Variants in ATIC observed in about 807,000 individuals in gnomAD.
ATIC encodes the protein bifunctional purine biosynthesis protein ATIC.
In ATIC, 64 loss-of-function variants were observed where a neutral mutation model predicts 72.5. The ratio of observed to expected loss-of-function variants is 0.88; its 90% CI spans 0.72 to 1.09. ATIC has a LOEUF of 1.09. Ranked by LOEUF, ATIC falls within the 50% of genes least tolerant of loss-of-function variation. The pLI, the probability that ATIC is intolerant of heterozygous loss-of-function variation, is 0.00. For missense variants in ATIC, 787 were observed against 732.4 expected, an observed-to-expected ratio of 1.07 and a Z score of -0.86; for synonymous variants, 281 against 267.1, an observed-to-expected ratio of 1.05 and a Z score of -0.51.
chr2:215,324,676 G>T (rs546557060), intron 4 of ATIC, among the ~76,000 whole-genome samples: 2 of 152,208 alleles, frequency 1.3e-5, no homozygotes, highest in South Asian at 4.1e-4. Context: ...GTACTTCACT[G>T]ATTGTTAATT....
chr2:215,360,124 G>A, the ATIC span, among the ~76,000 whole-genome samples: 1 of 152,150 alleles, frequency 6.6e-6, no homozygotes, highest in South Asian at 2.1e-4. Flanking sequence ...TTTTAATAGA[G>A]ACAAGGTTTC....
intron 7 of ATIC, among the ~76,000 whole-genome samples, chr2:215,327,839 T>C (rs1463324201): frequency 3.3e-5 from 5 of 150,806 alleles, no homozygotes; most frequent in Non-Finnish European, 5.9e-5. Flanking sequence ...GGGAGGAGAA[T>C]CTGAAAGTTT....
At chr2:215,332,617 T>C (rs1389200868) in intron 8 of ATIC, 110 bp downstream of exon 8, 2 of 1,381,572 alleles carry the variant, frequency 1.4e-6, no homozygotes, top group African/African-American at 2.9e-5. Context: ...CTATGAAATC[T>C]GAAAGTCATC....
intron 14 of ATIC, 29 bp from the exon 15 acceptor site, chr2:215,349,065 A>C: frequency 6.2e-7 from 1 of 1,613,874 alleles, no homozygotes; most frequent in East Asian, 2.2e-5. Flanking sequence ...TGTCAGACCA[A>C]GCTTCTTCCT....
intron 13 of ATIC, 135 bp downstream of exon 13, chr2:215,345,006 T>C: frequency 1.1e-6 from 1 of 921,158 alleles, no homozygotes. Flanking sequence ...TTTGTCAGTG[T>C]TTCCTCAGTA....
At chr2:215,349,325 T>C in intron 15 of ATIC, 76 bp downstream of exon 15, 1 of 1,604,408 alleles carries the variant, frequency 6.2e-7, no homozygotes, top group Non-Finnish European at 8.5e-7. Flanking sequence ...TGCTTTTGAT[T>C]TTTAAAAGGT....
intron 14 of ATIC, chr2:215,348,691 G>T (rs560702336): frequency 4.7e-6 from 2 of 421,142 alleles, no homozygotes; most frequent in Admixed American, 5.6e-5. Flanking sequence ...GGCCGGGCGC[G>T]GTGGCTCATG....
intron 10 of ATIC, 40 bp from the exon 11 acceptor site, chr2:215,335,995 G>A (rs1222871098): frequency 6.7e-7 from 1 of 1,497,732 alleles, no homozygotes; most frequent in Admixed American, 1.7e-5. Context: ...GGTGTTCTCT[G>A]ATTTTTAAAA....
intron 4 of ATIC, among the ~76,000 whole-genome samples, chr2:215,323,045 C>T (rs936041627): frequency 6.6e-6 from 1 of 151,946 alleles, no homozygotes; most frequent in Non-Finnish European, 1.5e-5. Context: ...CCCGGGTTCA[C>T]GCCCTTCTCC....
intron 6 of ATIC, among the ~76,000 whole-genome samples, chr2:215,326,412 C>G (rs2052826620): frequency 6.6e-6 from 1 of 152,012 alleles, no homozygotes; most frequent in African/African-American, 2.4e-5. Flanking sequence ...TGAGACCAGC[C>G]TGGCCAATGT....
At chr2:215,334,719 G>A (rs1480589498) in intron 9 of ATIC, among the ~76,000 whole-genome samples, 200 bp from the exon 10 acceptor site, 2 of 152,262 alleles carry the variant, frequency 1.3e-5, no homozygotes. Flanking sequence ...AGTTTTCTGA[G>A]TGTCACTCTA....
chr2:215,334,189 CTT>C (rs551274501), intron 9 of ATIC, among the ~76,000 whole-genome samples: 2 of 100,976 alleles, frequency 2.0e-5, no homozygotes, highest in Non-Finnish European at 1.9e-5. Flanking sequence ...AAAAGCTATT[CTT>C]TTTTTTTTTT....
chr2:215,358,709 C>T, the ATIC span, among the ~76,000 whole-genome samples: 1 of 152,168 alleles, frequency 6.6e-6, no homozygotes. Context: ...TATTCGTTTA[C>T]TTCATAAATT....
chr2:215,344,763 T>G lies in ATIC; in HGVS notation c.1228-16T>G. 1 of 1,609,436 alleles carries G rather than the reference T, an allele frequency of 6.2e-7. No homozygotes were observed. The highest frequency in any genetic ancestry group is 2.2e-5 in the East Asian group (1 of 44,840). Reference sequence around the variant, plus strand: ...TAAAAGGCCCCATGCAATTTACCATTGTGTATGTGTTTCAGTTGCCAGAGT... The same window carrying G: ...TAAAAGGCCCCATGCAATTTACCATGGTGTATGTGTTTCAGTTGCCAGAGT... On this transcript the variant is annotated splice_polypyrimidine_tract_variant and intron_variant, in intron 12 of 15. Transcript: ENST00000236959.
intron 2 of ATIC, 148 bp from the exon 3 acceptor site, chr2:215,318,004 GAAATA>G (rs1361595618): frequency 1.2e-5 from 8 of 693,346 alleles, no homozygotes; most frequent in Non-Finnish European, 1.7e-5. Context: ...TTTTACTTAA[GAAATA>G]AAATATAGTG....
intron 4 of ATIC, among the ~76,000 whole-genome samples, chr2:215,320,458 A>G (rs985360750): frequency 2.0e-5 from 3 of 152,246 alleles, no homozygotes; most frequent in African/African-American, 7.2e-5. Context: ...TGAGGGCCTC[A>G]GGAAGTTTAT....
chr2:215,347,745 C>G (rs2106045330), intron 14 of ATIC: 1 of 463,520 alleles, frequency 2.2e-6, no homozygotes, highest in South Asian at 1.6e-5. Context: ...CCAGTCAACC[C>G]CTGCTACTAG....
At position 215,336,229 on chromosome 2, in the gene ATIC, T is replaced by C. The variant is rs968144533; in HGVS notation, c.1098+105T>C. ...TACTCATACCCTTCTAGTTTATCCT[T>C]ATTATAGTTTATTTTCCCCAATCCT... On this transcript the variant is annotated intron_variant, in intron 11 of 15. Coordinates refer to ENST00000236959, the MANE Select transcript of ATIC (RefSeq NM_004044.7). 11 of 878,576 alleles carry C rather than the reference T, an allele frequency of 1.3e-5. No individual in the cohort carries two copies. In the African/African-American group the frequency reaches 1.7e-4, roughly 13 times the overall value. The allele number at this position is 878,576 out of a possible 1,614,324, so 54.4% of individuals were successfully genotyped here. A position where few individuals can be genotyped will look rare whatever the true frequency, so the allele number is the denominator to read the frequency against.
intron 7 of ATIC, among the ~76,000 whole-genome samples, chr2:215,330,038 C>T (rs1435917925): frequency 1.3e-5 from 2 of 152,196 alleles, no homozygotes; most frequent in Non-Finnish European, 2.9e-5. Flanking sequence ...TTGGGGATTA[C>T]AGGCATGAGC....
Sources: allele counts gnomAD v4.1 joint callset (sites outside exome capture counted in the v4.1 genomes callset), GRCh38; gene constraint gnomAD v4.1.1; transcripts MANE v1.5; gene names NCBI Gene and HGNC (gene_info 2026-07-23, HGNC 2026-07-21).